The following GATAD2A variants were observed in gnomAD, a reference collection of about 807,000 sequenced individuals.
GATAD2A encodes transcriptional repressor p66-alpha.
Under a neutral mutation model 68.5 loss-of-function variants are expected in GATAD2A, and 12 were observed. The ratio of observed to expected loss-of-function variants is 0.18; its 90% CI spans 0.11 to 0.28. The LOEUF (loss-of-function observed/expected upper bound fraction) is 0.28. Ranked by LOEUF, GATAD2A falls within the 10% of genes least tolerant of loss-of-function variation. The pLI, the probability that GATAD2A is intolerant of heterozygous loss-of-function variation, is 1.00. For synonymous variants in GATAD2A, 410 were observed against 375.3 expected, an observed-to-expected ratio of 1.09 and a Z score of -1.07; for missense variants, 755 against 868.5, an observed-to-expected ratio of 0.87 and a Z score of 1.64.
At chr19:19,504,348 A>AT (rs2060741181) in intron 11 of GATAD2A, among the ~76,000 whole-genome samples, 1 of 152,244 alleles carries the variant, frequency 6.6e-6, no homozygotes, top group South Asian at 2.1e-4. Flanking sequence ...AGACTGTGGC[A>AT]ATGGCTTGTA....
At chr19:19,403,010 T>C (rs2049909418), upstream of GATAD2A, among the ~76,000 whole-genome samples, 1 of 151,944 alleles carries the variant, frequency 6.6e-6, no homozygotes, top group Non-Finnish European at 1.5e-5. Context: ...TGACCTCAGG[T>C]GATCCACATG....
At position 19,496,049 on chromosome 19, in the gene GATAD2A, C is replaced by T; in HGVS notation, c.757-3C>T. On this transcript the variant is annotated splice_polypyrimidine_tract_variant and splice_region_variant and intron_variant, in intron 6 of 11. Coordinates refer to ENST00000683918, the MANE Select transcript of GATAD2A (RefSeq NM_001384528.1). ...TCTTGTTCTCCCCACCCTACCCCAACAGCAAATCCACAGCATTAGGCAACA... is the reference window on the plus strand; with the variant it reads ...TCTTGTTCTCCCCACCCTACCCCAATAGCAAATCCACAGCATTAGGCAACA... 2 of 1,613,252 alleles carry T rather than the reference C, an allele frequency of 1.2e-6. No homozygotes were observed. The highest frequency in any genetic ancestry group is 1.7e-6 in the Non-Finnish European group (2 of 1,179,336).
intron 1 of GATAD2A, among the ~76,000 whole-genome samples, chr19:19,429,979 G>A (rs981326562): frequency 1.3e-5 from 2 of 152,080 alleles, no homozygotes; most frequent in African/African-American, 2.4e-5. Context: ...ACTTCTTGGC[G>A]GCAGCTTGCT....
intron 2 of GATAD2A, chr19:19,472,274 A>G (rs1252109131): frequency 6.6e-6 from 1 of 151,606 alleles, no homozygotes; most frequent in African/African-American, 2.4e-5. Flanking sequence ...CTTTCTTTCA[A>G]ATGGTTGATC....
intron 1 of GATAD2A, among the ~76,000 whole-genome samples, chr19:19,407,417 G>T (rs893980073): frequency 6.6e-6 from 1 of 152,190 alleles, no homozygotes; most frequent in South Asian, 2.1e-4. Context: ...TAACAATCCC[G>T]TGGGGAGTAG....
At position 19,405,910 on chromosome 19, in the gene GATAD2A, G is replaced by A. The variant is rs561768263; in HGVS notation, c.-116G>A. 1 of 146,216 alleles carries A rather than the reference G, an allele frequency of 6.8e-6. No homozygotes were observed. The highest frequency in any genetic ancestry group is 1.5e-5 in the Non-Finnish European group (1 of 65,784). 9.1% of individuals were successfully genotyped at this position (146,216 alleles called of 1,614,324 possible). On this transcript the variant is annotated 5_prime_UTR_variant, in exon 1 of 12. Coordinates refer to ENST00000683918, the MANE Select transcript of GATAD2A (RefSeq NM_001384528.1). ...GCGGCCCCACAGGCGGAACGAGCGC[G>A]CGCGGCCCGGCGTCCCCGGCCCCTC... is the stretch of plus-strand genomic sequence containing the variant.
intron 2 of GATAD2A, chr19:19,473,936 A>T: frequency 1.9e-6 from 1 of 534,532 alleles, no homozygotes; most frequent in Non-Finnish European, 2.4e-6. Context: ...ACAGAGCGAG[A>T]CTCCGTCTCA....
intron 11 of GATAD2A, among the ~76,000 whole-genome samples, chr19:19,504,232 A>G (rs2060728745): frequency 6.6e-6 from 1 of 152,178 alleles, no homozygotes; most frequent in Admixed American, 6.5e-5. Flanking sequence ...CTTACCTCCA[A>G]CTCTGGCCAA....
At chr19:19,499,396 C>T (rs1568340406) in intron 8 of GATAD2A, among the ~76,000 whole-genome samples, 1 of 152,128 alleles carries the variant, frequency 6.6e-6, no homozygotes, top group Non-Finnish European at 1.5e-5. Flanking sequence ...CTCCTGGTGA[C>T]TGCATCAGAC....
At chr19:19,427,889 A>G (rs1430940542) in intron 1 of GATAD2A, 1 of 152,164 alleles carries the variant, frequency 6.6e-6, no homozygotes, top group Admixed American at 6.6e-5. Context: ...GGGTTTTACC[A>G]TGTTGGCCAG....
chr19:19,465,594 G>T lies in GATAD2A; in HGVS notation c.249G>T (p.Val83=). The T allele has an allele frequency of 2.5e-6, 4 of 1,611,200 alleles. No homozygotes were observed. The highest frequency in any genetic ancestry group is 3.4e-6 in the Non-Finnish European group (4 of 1,178,742). ...AAGGGCTGGTGGGCGATGGGCCCGT[G>T]GACATGCGCACCTCACACAGGTGAG... ...RGEGLVGDGP[V]DMRTSHSDMK... The change falls in exon 2 of 12, where the codon GTG becomes GTT. Residue 83 remains valine (V), a synonymous_variant. Transcript: ENST00000683918.
At chr19:19,460,597 G>A (rs143357228) in intron 1 of GATAD2A, among the ~76,000 whole-genome samples, 3 of 152,258 alleles carry the variant, frequency 2.0e-5, no homozygotes, top group Non-Finnish European at 2.9e-5. Context: ...CGTGGGCCTC[G>A]CACTCAGCAC....
chr19:19,462,286 G>A (rs955705620), intron 1 of GATAD2A, among the ~76,000 whole-genome samples: 1 of 152,204 alleles, frequency 6.6e-6, no homozygotes, highest in African/African-American at 2.4e-5. Flanking sequence ...GCCCTCCCCA[G>A]GAGCAAGTGT....
In GATAD2A at chr19:19,444,245, C is replaced by T. The variant is rs1038589080; in HGVS notation, c.-6-21095C>T. On this transcript the variant is annotated intron_variant, in intron 1 of 11. Transcript: ENST00000683918. ...ATTGGTATTGCCCATCCACAGCAGT[C>T]GTAGCCCATCACGAGTGGATAAAGT... Among the ~76,000 whole-genome samples the T allele has an allele frequency of 6.6e-5, 10 of 152,176 alleles. No individual in the cohort carries two copies. The South Asian group carries it at 8.3e-4, about 13-fold the overall frequency.
intron 1 of GATAD2A, among the ~76,000 whole-genome samples, chr19:19,420,028 T>TTTTTTA (rs2052166344): frequency 4.5e-5 from 6 of 134,204 alleles, no homozygotes; most frequent in African/African-American, 1.7e-4. Context: ...TTTTTTTTTT[T>TTTTTTA]GAGACAGAGT....
intron 7 of GATAD2A, among the ~76,000 whole-genome samples, chr19:19,497,924 C>T (rs2148456157): frequency 6.6e-6 from 1 of 152,240 alleles, no homozygotes; most frequent in South Asian, 2.1e-4. Context: ...AAGAGGTTGG[C>T]CTAGGAGCTG....
rs762233310 is a variant in GATAD2A, at chr19:19,498,423, TGA to T, written c.925-18_925-17del. 638 of 1,594,024 alleles carry T rather than the reference TGA, an allele frequency of 4.0e-4. No homozygotes were observed. The highest frequency in any genetic ancestry group is 5.2e-4 in the Non-Finnish European group (611 of 1,164,962). On this transcript the variant is annotated intron_variant, in intron 7 of 11. Coordinates refer to ENST00000683918, the MANE Select transcript of GATAD2A (RefSeq NM_001384528.1). ...GGGCAGGCGCACGGAGCGCCCTGAC[TGA>T]GTTTTTGTCTCCCAAAGCCCACCCC...
intron 1 of GATAD2A, among the ~76,000 whole-genome samples, chr19:19,392,177 C>T (rs1316159062): frequency 1.4e-5 from 2 of 146,596 alleles, no homozygotes; most frequent in Non-Finnish European, 3.0e-5. Context: ...GCCTCGACTT[C>T]CGGGCTCAAG....
chr19:19,501,903 A>G, intron 9 of GATAD2A, 66 bp from the exon 10 acceptor site: 1 of 1,264,468 alleles, frequency 7.9e-7, no homozygotes. Flanking sequence ...TGTGGGGCTC[A>G]CCCTCGGTCA....
Sources: gnomAD v4.1 joint callset for allele counts (sites outside exome capture counted in the v4.1 genomes callset) on GRCh38, gnomAD v4.1.1 for gene constraint, MANE v1.5 for transcripts, NCBI Gene and HGNC (gene_info 2026-07-23, HGNC 2026-07-21) for gene names.